The following BCO1 variants were observed in gnomAD, a reference collection of about 807,000 sequenced individuals.
BCO1 encodes the protein beta,beta-carotene 15,15'-dioxygenase.
Under a neutral mutation model 56.3 loss-of-function variants are expected in BCO1, and 54 were observed. The ratio of observed to expected loss-of-function variants is 0.96; its 90% CI spans 0.77 to 1.20. The LOEUF is 1.20. Ranked by LOEUF, BCO1 falls within the 50% of genes most tolerant of loss-of-function variation. The probability of loss-of-function intolerance (pLI) is 0.00; values close to 1 mark genes in which losing one functional copy is unlikely to be tolerated. For missense variants in BCO1, 801 were observed against 690.9 expected (o/e 1.16, Z -1.79); for synonymous variants, 318 against 266.1 (o/e 1.20, Z -1.90).
At chr16:81,260,083 G>T (rs541627212) in intron 3 of BCO1, among the ~76,000 whole-genome samples, 2 of 152,300 alleles carry the variant, frequency 1.3e-5, no homozygotes, top group East Asian at 3.9e-4. Flanking sequence ...TCAGCCTAGA[G>T]ATCTGCTTAC....
chr16:81,269,138 T>A (rs1000074342), intron 6 of BCO1, among the ~76,000 whole-genome samples: 1 of 141,010 alleles, frequency 7.1e-6, no homozygotes, highest in African/African-American at 2.6e-5. Flanking sequence ...CAGTGTTACC[T>A]ATTCAAAGAA....
rs866679440 is a variant in BCO1 at position 81,246,340 on chromosome 16, G to A, written c.193+737G>A. ...CTACAAAGTCCATTTTGATATGTCAGGTCACACATTCAACAGGTTCTAGGG... is the reference window on the plus strand; with the variant it reads ...CTACAAAGTCCATTTTGATATGTCAAGTCACACATTCAACAGGTTCTAGGG... On this transcript the variant is annotated intron_variant, in intron 2 of 10. Transcript: ENST00000258168. 1.5e-4 allele frequency among the ~76,000 whole-genome samples: 23 copies of A among 152,234 alleles called. 1 individual carries two copies. In the Middle Eastern group the frequency reaches 0.014, roughly 90 times the overall value.
chr16:81,239,232 G>A (rs887457939), intron 1 of BCO1, among the ~76,000 whole-genome samples: 7 of 152,054 alleles, frequency 4.6e-5, no homozygotes, highest in African/African-American at 1.7e-4. Flanking sequence ...GGCCAGGCTG[G>A]TCTCGAACTC....
chr16:81,270,754 T>C (rs971259622), intron 7 of BCO1, among the ~76,000 whole-genome samples: 3 of 150,542 alleles, frequency 2.0e-5, no homozygotes, highest in Admixed American at 6.6e-5. Flanking sequence ...ACATAATTTT[T>C]TTTTTTTTGA....
chr16:81,269,224 G>A (rs1159321485), intron 6 of BCO1, among the ~76,000 whole-genome samples: 2 of 149,890 alleles, frequency 1.3e-5, no homozygotes, highest in South Asian at 2.1e-4. Context: ...CCACCCCCAC[G>A]TCTGAAGGGA....
intron 4 of BCO1, among the ~76,000 whole-genome samples, chr16:81,264,274 T>G (rs1172095201): frequency 1.3e-5 from 2 of 152,164 alleles, no homozygotes; most frequent in Non-Finnish European, 2.9e-5. Flanking sequence ...TGCTCAGAGC[T>G]TTCTGCAGTG....
intron 1 of BCO1, among the ~76,000 whole-genome samples, chr16:81,244,413 A>G (rs1241666450): frequency 2.0e-5 from 3 of 152,122 alleles, no homozygotes; most frequent in Non-Finnish European, 2.9e-5. Context: ...TATTTAAAAA[A>G]TTGCTAATGA....
intron 10 of BCO1, among the ~76,000 whole-genome samples, chr16:81,289,040 G>A (rs943195168): frequency 2.6e-5 from 4 of 152,186 alleles, no homozygotes; most frequent in African/African-American, 4.8e-5. Context: ...TGTGAGGAGG[G>A]AGTATCGTTG....
intron 6 of BCO1, 85 bp downstream of exon 6, chr16:81,268,216 A>C (rs1478262220): frequency 7.9e-7 from 1 of 1,266,782 alleles, no homozygotes; most frequent in Non-Finnish European, 1.1e-6. Context: ...GTTTAAGGCA[A>C]GGAAGTGGCA....
In BCO1 at chr16:81,259,898, T is replaced by A; in HGVS notation, c.323+93T>A. The A allele has an allele frequency of 4.6e-6, 7 of 1,522,172 alleles. No homozygotes were observed. In the South Asian group the frequency reaches 7.9e-5, roughly 17 times the overall value. The allele number at this position is 1,522,172 out of a possible 1,614,324, so 94.3% of individuals were successfully genotyped here. A position where few individuals can be genotyped will look rare whatever the true frequency, so the allele number is the denominator to read the frequency against. On this transcript the variant is annotated intron_variant, in intron 3 of 10. Coordinates refer to ENST00000258168, the MANE Select transcript of BCO1 (RefSeq NM_017429.3). ...GCATTTGCTCCTCTGACAATTCTCT[T>A]TAGGGTAGATGAAAACTCCACATGA...
At chr16:81,272,328 C>A (rs953322755) in intron 7 of BCO1, among the ~76,000 whole-genome samples, 1 of 151,522 alleles carries the variant, frequency 6.6e-6, no homozygotes, top group Non-Finnish European at 1.5e-5. Context: ...CCGTGTTAGC[C>A]AGGATGGTCT....
At chr16:81,266,547 C>T (rs897436287) in intron 5 of BCO1, among the ~76,000 whole-genome samples, 6 of 152,068 alleles carry the variant, frequency 3.9e-5, no homozygotes, top group Non-Finnish European at 8.8e-5. Flanking sequence ...AGAAGGTACA[C>T]GGAGTGTACT....
intron 2 of BCO1, among the ~76,000 whole-genome samples, chr16:81,246,484 T>C (rs1276684458): frequency 6.6e-6 from 1 of 151,934 alleles, no homozygotes. Context: ...ATAATATACA[T>C]CCTCAATCAG....
chr16:81,259,580 CCTT>C, intron 2 of BCO1, 93 bp from the exon 3 acceptor site: 2 of 1,515,626 alleles, frequency 1.3e-6, no homozygotes, highest in South Asian at 1.1e-5. Flanking sequence ...GAAATAACCA[CCTT>C]CTTCTCCCAG....
intron 1 of BCO1, among the ~76,000 whole-genome samples, chr16:81,243,747 A>G (rs1293709070): frequency 1.3e-5 from 2 of 152,126 alleles, no homozygotes; most frequent in Admixed American, 6.6e-5. Flanking sequence ...GGATTCAGGT[A>G]TGCCTCGGCA....
chr16:81,250,942 G>C (rs111673149), intron 2 of BCO1, among the ~76,000 whole-genome samples: 3 of 152,148 alleles, frequency 2.0e-5, no homozygotes, highest in Non-Finnish European at 4.4e-5. Flanking sequence ...AGTCCTCAAA[G>C]ATAGCGTTTG....
At chr16:81,246,640 C>T (rs1905435056) in intron 2 of BCO1, among the ~76,000 whole-genome samples, 1 of 151,794 alleles carries the variant, frequency 6.6e-6, no homozygotes, top group African/African-American at 2.4e-5. Context: ...CATTCAGGGT[C>T]GGGAGTTTGA....
Position 81,245,493 on chromosome 16 carries a change from T to C in BCO1, c.83T>C (p.Leu28Pro). The part of the protein sequence containing the change: ...AKVTGKIPAW[L>P]QGTLLRNGPG... ...TTCTCAGGCAAGATTCCAGCATGGCTGCAGGGAACCCTGCTCCGCAATGGG... is the reference window on the plus strand; with the variant it reads ...TTCTCAGGCAAGATTCCAGCATGGCCGCAGGGAACCCTGCTCCGCAATGGG... The change falls in exon 2 of 11, where the codon CTG becomes CCG. Residue 28 changes from leucine (L) to proline (P), a missense_variant. Leu to Pro is a moderately conservative substitution (Grantham distance 98, BLOSUM62 -3). Transcript: ENST00000258168. 1 of 1,614,228 alleles carries C rather than the reference T, an allele frequency of 6.2e-7. No homozygotes were observed. Among genetic ancestry groups the C allele is most frequent in the Non-Finnish European group, 8.5e-7 (1 of 1,180,036 alleles).
chr16:81,262,926 G>C (rs1471601674), intron 4 of BCO1: 2 of 155,826 alleles, frequency 1.3e-5, no homozygotes, highest in Non-Finnish European at 2.8e-5. Flanking sequence ...CTGAAACCAA[G>C]GTGTCAGCCC....
Sources: allele counts gnomAD v4.1 joint callset (sites outside exome capture counted in the v4.1 genomes callset), GRCh38; gene constraint gnomAD v4.1.1; transcripts MANE v1.5; gene names NCBI Gene and HGNC (gene_info 2026-07-23, HGNC 2026-07-21).